Variants in ANKS1B observed in about 807,000 individuals in gnomAD.
ANKS1B encodes the protein ankyrin repeat and sterile alpha motif domain containing 1B.
A neutral mutation model predicts 148.3 loss-of-function variants in ANKS1B; 36 were observed. The observed-to-expected ratio is 0.24, with a 90% CI of 0.19 to 0.32. The LOEUF (loss-of-function observed/expected upper bound fraction) is 0.32, where lower values mean the gene tolerates loss of function less well. ANKS1B is among the 10% of genes least tolerant of loss of function. The probability of loss-of-function intolerance (pLI) is 1.00; values close to 1 mark genes in which losing one functional copy is unlikely to be tolerated. For missense variants in ANKS1B, 1,157 were observed against 1,542.6 expected, an observed-to-expected ratio of 0.75 and a Z score of 4.19; for synonymous variants, 542 against 560.8, an observed-to-expected ratio of 0.97 and a Z score of 0.47.
intron 19 of ANKS1B, 142 bp from the exon 20 acceptor site, chr12:98,808,060 C>T: frequency 1.6e-6 from 1 of 619,108 alleles, no homozygotes; most frequent in Non-Finnish European, 2.7e-6. Context: ...TTTTAGGGTG[C>T]TCAAGGTTTA....
chr12:98,856,547 T>C (rs1215930942), intron 17 of ANKS1B, among the ~76,000 whole-genome samples: 1 of 152,224 alleles, frequency 6.6e-6, no homozygotes, highest in Admixed American at 6.5e-5. Context: ...GATGATTTCA[T>C]GTGTGTGTGC....
At chr12:99,820,328 A>C (rs975973956) in intron 2 of ANKS1B, among the ~76,000 whole-genome samples, 2 of 151,968 alleles carry the variant, frequency 1.3e-5, no homozygotes, top group African/African-American at 4.8e-5. Context: ...GAAAATGTAC[A>C]AAATTGGGGA....
At chr12:99,007,566 T>C (rs1045167914) in intron 17 of ANKS1B, among the ~76,000 whole-genome samples, 1 of 152,172 alleles carries the variant, frequency 6.6e-6, no homozygotes, top group African/African-American at 2.4e-5. Context: ...TCACTTACAG[T>C]CTAGTCCAGC....
chr12:99,205,810 G>A (rs560533869), intron 14 of ANKS1B, among the ~76,000 whole-genome samples: 2 of 152,350 alleles, frequency 1.3e-5, no homozygotes, highest in South Asian at 4.1e-4. Context: ...GTTGCAGTAA[G>A]TGGTTATTAC....
chr12:99,056,617 C>T (rs1229450982), intron 16 of ANKS1B, among the ~76,000 whole-genome samples: 3 of 152,130 alleles, frequency 2.0e-5, no homozygotes, highest in Admixed American at 6.5e-5. Flanking sequence ...CATTCAAGGC[C>T]GATTGAGATT....
chr12:99,050,973 C>G (rs1000635221), intron 17 of ANKS1B, among the ~76,000 whole-genome samples: 1 of 151,816 alleles, frequency 6.6e-6, no homozygotes, highest in African/African-American at 2.4e-5. Context: ...CTGGGATTAC[C>G]GGCGTGAACC....
intron 12 of ANKS1B, among the ~76,000 whole-genome samples, chr12:99,357,359 T>C (rs2092093550): frequency 6.6e-6 from 1 of 152,160 alleles, no homozygotes; most frequent in Admixed American, 6.6e-5. Flanking sequence ...CTTTGCATTA[T>C]ACCCATCCCT....
intron 8 of ANKS1B, among the ~76,000 whole-genome samples, chr12:99,687,714 T>C (rs376734097): frequency 3.6e-4 from 55 of 152,334 alleles, no homozygotes; most frequent in East Asian, 2.7e-3. Flanking sequence ...TGCTCATGTA[T>C]CCCTTTATGT....
intron 9 of ANKS1B, among the ~76,000 whole-genome samples, chr12:99,614,130 C>T (rs1434917343): frequency 6.6e-6 from 1 of 151,788 alleles, no homozygotes; most frequent in Non-Finnish European, 1.5e-5. Flanking sequence ...CGAGGCAAAA[C>T]AGCATACTTG....
chr12:98,752,208 C>G (rs754113845), intron 25 of ANKS1B, among the ~76,000 whole-genome samples: 1 of 152,138 alleles, frequency 6.6e-6, no homozygotes, highest in Non-Finnish European at 1.5e-5. Context: ...GCCCTGACCA[C>G]CTTGGGCACA....
intron 17 of ANKS1B, among the ~76,000 whole-genome samples, chr12:99,002,266 A>T (rs773579634): frequency 2.6e-5 from 4 of 152,226 alleles, no homozygotes; most frequent in Non-Finnish European, 5.9e-5. Flanking sequence ...GCATTCCCAC[A>T]AACAGTATGC....
chr12:99,315,214 T>C (rs1405658518), intron 12 of ANKS1B, among the ~76,000 whole-genome samples: 2 of 147,332 alleles, frequency 1.4e-5, no homozygotes, highest in East Asian at 2.0e-4. Flanking sequence ...CACTCCAGCC[T>C]AGTGACAGTG....
chr12:99,922,445 G>A (rs907829960), intron 1 of ANKS1B, among the ~76,000 whole-genome samples: 1 of 151,994 alleles, frequency 6.6e-6, no homozygotes, highest in Non-Finnish European at 1.5e-5. Flanking sequence ...CAGGAAAAAC[G>A]TTTTGTATTA....
At chr12:99,947,080 G>T (rs2095083119) in intron 1 of ANKS1B, among the ~76,000 whole-genome samples, 5 of 152,038 alleles carry the variant, frequency 3.3e-5, no homozygotes, top group African/African-American at 9.7e-5. Flanking sequence ...TAACAAAGCT[G>T]CCTAGGAAAA....
chr12:99,742,762 C>T (rs2060244114), intron 8 of ANKS1B, among the ~76,000 whole-genome samples: 2 of 149,802 alleles, frequency 1.3e-5, no homozygotes, highest in Non-Finnish European at 3.0e-5. Context: ...CTCTTGAACC[C>T]GGGAGGCAGA....
chr12:99,155,728 A>G (rs536945928), intron 14 of ANKS1B, among the ~76,000 whole-genome samples: 1 of 152,308 alleles, frequency 6.6e-6, no homozygotes, highest in South Asian at 2.1e-4. Flanking sequence ...AGATTGGGAG[A>G]GAACTTGCAG....
chr12:99,931,766 C>A (rs1042257383), intron 1 of ANKS1B, among the ~76,000 whole-genome samples: 1 of 152,058 alleles, frequency 6.6e-6, no homozygotes, highest in Non-Finnish European at 1.5e-5. Flanking sequence ...GCATTTATTT[C>A]TTTGTGTTAC....
At chr12:98,870,882 C>G (rs1192145162) in intron 17 of ANKS1B, among the ~76,000 whole-genome samples, 4 of 152,156 alleles carry the variant, frequency 2.6e-5, no homozygotes, top group Admixed American at 1.3e-4. Context: ...AAGAAAGGTC[C>G]CTTATAGATG....
intron 17 of ANKS1B, among the ~76,000 whole-genome samples, chr12:98,923,476 C>T (rs1477162785): frequency 6.6e-6 from 1 of 152,146 alleles, no homozygotes; most frequent in African/African-American, 2.4e-5. Context: ...GGTTTGCCTG[C>T]TATAAAATAA....
Sources: gnomAD v4.1 joint callset for allele counts (sites outside exome capture counted in the v4.1 genomes callset) on GRCh38, gnomAD v4.1.1 for gene constraint, MANE v1.5 for transcripts, NCBI Gene and HGNC (gene_info 2026-07-23, HGNC 2026-07-21) for gene names.